TOX3: variants seen among roughly 807,000 people sequenced by gnomAD.
TOX3 encodes TOX high mobility group box family member 3, also known as CAG trinucleotide repeat-containing gene F9 protein.
In TOX3, 22 loss-of-function variants were observed where a neutral mutation model predicts 64.3. That is an observed-to-expected ratio of 0.34 (90% CI 0.24 to 0.49). The LOEUF (loss-of-function observed/expected upper bound fraction) is 0.49, where lower values mean the gene tolerates loss of function less well. TOX3 is among the 20% of genes least tolerant of loss of function. The pLI, the probability that TOX3 is intolerant of heterozygous loss-of-function variation, is 0.99. For synonymous variants in TOX3, 291 were observed against 273.6 expected, an observed-to-expected ratio of 1.06 and a Z score of -0.63; for missense variants, 661 against 714.4, an observed-to-expected ratio of 0.93 and a Z score of 0.85.
intron 1 of TOX3, among the ~76,000 whole-genome samples, chr16:52,470,554 T>C (rs1961013105): frequency 6.6e-6 from 1 of 151,716 alleles, no homozygotes; most frequent in Admixed American, 6.6e-5. Context: ...AAGCTTAGAG[T>C]GAAATAAGAA....
chr16:52,463,721 T>C (rs1228495183), intron 3 of TOX3, among the ~76,000 whole-genome samples: 1 of 152,114 alleles, frequency 6.6e-6, no homozygotes, highest in Non-Finnish European at 1.5e-5. Flanking sequence ...ATCAGCAGAC[T>C]CTTTTTGGAT....
chr16:52,497,312 G>A (rs1961875142), intron 1 of TOX3, among the ~76,000 whole-genome samples: 1 of 152,144 alleles, frequency 6.6e-6, no homozygotes, highest in African/African-American at 2.4e-5. Context: ...GAAACACATT[G>A]CCAAGGAGTG....
rs1338711909 is a variant in TOX3 at position 52,464,088 on chromosome 16, A to G, written c.254T>C (p.Leu85Pro). ...SDPALGMPDV[L>P]LPFQALSDPL... ...ATCGCTGAGGGCTTGAAAGGGTAGC[A>G]GTACATCCGGCATGCCTAGGGCAGG... The change falls in exon 3 of 7, where the codon CTG (leucine) becomes CCG (proline). Residue 85 changes from leucine (L) to proline (P), a missense_variant. Leu to Pro is a moderately conservative substitution (Grantham distance 98). This residue lies in a region of TOX3 where 259 missense variants were observed against 261.2 expected (regional missense o/e 0.99). Transcript: ENST00000219746. 2 of 1,604,886 alleles carry G rather than the reference A, an allele frequency of 1.2e-6. No individual in the cohort carries two copies. The highest frequency in any genetic ancestry group is 1.7e-6 in the Non-Finnish European group (2 of 1,175,932).
chr16:52,441,727 A>G (rs1959995252), intron 6 of TOX3, among the ~76,000 whole-genome samples: 1 of 152,188 alleles, frequency 6.6e-6, no homozygotes, highest in South Asian at 2.1e-4. Flanking sequence ...AAACAAACTG[A>G]GATGTAACCT....
chr16:52,450,047 C>A (rs1190225581), intron 4 of TOX3, among the ~76,000 whole-genome samples: 1 of 152,196 alleles, frequency 6.6e-6, no homozygotes, highest in Non-Finnish European at 1.5e-5. Context: ...AATAACATGT[C>A]CAATGCCTTA....
intron 1 of TOX3, among the ~76,000 whole-genome samples, chr16:52,531,825 C>A (rs1038115019): frequency 2.0e-5 from 3 of 151,944 alleles, no homozygotes; most frequent in African/African-American, 7.3e-5. Flanking sequence ...AGATGACAAG[C>A]AGGGAGAGAG....
chr16:52,519,317 A>T, intron 1 of TOX3: 1 of 1,254,154 alleles, frequency 8.0e-7, no homozygotes, highest in Non-Finnish European at 1.1e-6. Context: ...TGTAAGGGTT[A>T]GTGCATTCAT....
intron 1 of TOX3, among the ~76,000 whole-genome samples, chr16:52,530,360 A>T: frequency 6.7e-6 from 1 of 148,870 alleles, no homozygotes; most frequent in Non-Finnish European, 1.5e-5. Flanking sequence ...TTTTTGAGAC[A>T]GTGTCTCACT....
At chr16:52,504,157 T>C (rs2151466545) in intron 1 of TOX3, among the ~76,000 whole-genome samples, 1 of 152,222 alleles carries the variant, frequency 6.6e-6, no homozygotes, top group South Asian at 2.1e-4. Flanking sequence ...AGCCAAGTAT[T>C]TTCCCATAAG....
chr16:52,515,967 T>TTGTGTGTG (rs3086690), intron 1 of TOX3, among the ~76,000 whole-genome samples: 83 of 149,712 alleles, frequency 5.5e-4, no homozygotes, highest in African/African-American at 1.7e-3. Context: ...AAATGTGTGC[T>TTGTGTGTG]TGTGTGTGTG....
chr16:52,522,878 C>T (rs780169295), intron 1 of TOX3, among the ~76,000 whole-genome samples: 4 of 152,142 alleles, frequency 2.6e-5, no homozygotes, highest in African/African-American at 7.2e-5. Context: ...CTTTCCTTCA[C>T]GTTTATCATG....
chr16:52,526,183 A>T (rs1309920802), intron 1 of TOX3, among the ~76,000 whole-genome samples: 1 of 152,210 alleles, frequency 6.6e-6, no homozygotes, highest in Non-Finnish European at 1.5e-5. Context: ...AAATCTATTC[A>T]TCAAGATTCG....
At chr16:52,506,802 T>C (rs1291843415) in intron 1 of TOX3, among the ~76,000 whole-genome samples, 1 of 152,226 alleles carries the variant, frequency 6.6e-6, no homozygotes, top group East Asian at 1.9e-4. Context: ...AACAATCTCC[T>C]AATTAGAGCT....
intron 1 of TOX3, among the ~76,000 whole-genome samples, chr16:52,501,591 C>T (rs1181876479): frequency 4.0e-5 from 6 of 151,300 alleles, no homozygotes; most frequent in Admixed American, 2.0e-4. Context: ...ACCCAGGAGG[C>T]GGAGGTTTCA....
chr16:52,490,010 G>A lies in TOX3; in HGVS notation c.88-21436C>T, dbSNP rs568658216. Among the ~76,000 whole-genome samples the A allele has an allele frequency of 3.9e-4, 60 of 152,134 alleles. 1 individual carries two copies. Among genetic ancestry groups the A allele is most frequent in the Admixed American group, 2.6e-4 (4 of 15,268 alleles). ...TGGAGTTACCCTTTGATATGGTTTG[G>A]ATTTGTGTCCCTGCCCAAATCTCAC... On this transcript the variant is annotated intron_variant, in intron 1 of 6. Coordinates refer to ENST00000219746, the MANE Select transcript of TOX3 (RefSeq NM_001080430.4).
At chr16:52,456,557 T>A (rs1257082647) in intron 3 of TOX3, among the ~76,000 whole-genome samples, 1 of 152,212 alleles carries the variant, frequency 6.6e-6, no homozygotes, top group African/African-American at 2.4e-5. Context: ...CTCCACCTGA[T>A]GAAAGAGCCT....
chr16:52,522,167 T>C (rs948096746), intron 1 of TOX3, among the ~76,000 whole-genome samples: 2 of 152,160 alleles, frequency 1.3e-5, no homozygotes, highest in African/African-American at 4.8e-5. Flanking sequence ...AGCTAAATAA[T>C]AGTATTTTCT....
chr16:52,512,449 G>A (rs1435951564), intron 1 of TOX3, among the ~76,000 whole-genome samples: 1 of 152,180 alleles, frequency 6.6e-6, no homozygotes, highest in Admixed American at 6.5e-5. Context: ...TCAGAGCATA[G>A]TTGCTGCTCA....
chr16:52,516,897 A>G (rs1020889231), intron 1 of TOX3, among the ~76,000 whole-genome samples: 1 of 152,140 alleles, frequency 6.6e-6, no homozygotes, highest in Non-Finnish European at 1.5e-5. Flanking sequence ...ATTTTATTGT[A>G]TGTAACATAT....
Sources: gnomAD v4.1 joint callset for allele counts (sites outside exome capture counted in the v4.1 genomes callset) on GRCh38, gnomAD v4.1.1 for gene constraint, gnomAD v4.1.1 regional missense constraint, MANE v1.5 for transcripts, NCBI Gene and HGNC (gene_info 2026-07-23, HGNC 2026-07-21) for gene names.